DOCK2: variants seen among roughly 807,000 people sequenced by gnomAD.
DOCK2 encodes dedicator of cytokinesis 2, also known as dedicator of cytokinesis protein 2.
A neutral mutation model predicts 248.9 loss-of-function variants in DOCK2; 87 were observed. The observed-to-expected ratio is 0.35, with a 90% CI of 0.29 to 0.42. DOCK2 has a LOEUF of 0.42. Among genes scored for constraint, DOCK2 ranks in the 10% least tolerant of loss-of-function variants. The pLI is 1.00. For missense variants in DOCK2, 1,747 were observed against 2,300.2 expected (o/e 0.76, Z 4.92); for synonymous variants, 805 against 821.6 (o/e 0.98, Z 0.35).
intron 27 of DOCK2, among the ~76,000 whole-genome samples, chr5:169,851,241 T>C (rs1369651999): frequency 1.3e-5 from 2 of 152,260 alleles, no homozygotes; most frequent in African/African-American, 4.8e-5. Context: ...TTTTGTTTCA[T>C]GCCAATCTTT....
At chr5:169,807,112 C>A (rs1239092254) in intron 26 of DOCK2, among the ~76,000 whole-genome samples, 1 of 152,082 alleles carries the variant, frequency 6.6e-6, no homozygotes. Context: ...AATCTTGCAT[C>A]AAAAGCAGTA....
At chr5:169,786,833 T>A (rs192522200) in intron 25 of DOCK2, among the ~76,000 whole-genome samples, 29 of 152,310 alleles carry the variant, frequency 1.9e-4, no homozygotes, top group Non-Finnish European at 3.4e-4. Flanking sequence ...AATACAACTT[T>A]AGTATAATTT....
chr5:169,709,620 C>T (rs1761467037), intron 15 of DOCK2, among the ~76,000 whole-genome samples: 1 of 152,118 alleles, frequency 6.6e-6, no homozygotes, highest in African/African-American at 2.4e-5. Flanking sequence ...ACTCAGGAGG[C>T]TGAGGCATGA....
At chr5:169,930,746 C>G (rs1200595940) in intron 27 of DOCK2, among the ~76,000 whole-genome samples, 1 of 152,156 alleles carries the variant, frequency 6.6e-6, no homozygotes, top group Admixed American at 6.5e-5. Flanking sequence ...CTTTGAGAGT[C>G]GGGTGGAAGG....
At chr5:169,940,045 T>A (rs898573723) in intron 27 of DOCK2, among the ~76,000 whole-genome samples, 32 of 152,238 alleles carry the variant, frequency 2.1e-4, no homozygotes, top group African/African-American at 7.5e-4. Flanking sequence ...GGGAGTTTTC[T>A]CACTGTGTCA....
chr5:169,918,672 G>C (rs1263549006), intron 27 of DOCK2, among the ~76,000 whole-genome samples: 1 of 152,196 alleles, frequency 6.6e-6, no homozygotes, highest in Non-Finnish European at 1.5e-5. Context: ...CAGCACTTTG[G>C]GAGGCCGAGG....
chr5:169,855,454 A>G (rs1770834689), intron 27 of DOCK2, among the ~76,000 whole-genome samples: 1 of 152,178 alleles, frequency 6.6e-6, no homozygotes, highest in Non-Finnish European at 1.5e-5. Context: ...GTTAGGCTAT[A>G]AGCGCTAGAG....
chr5:169,722,391 G>A (rs1473633397), intron 22 of DOCK2, among the ~76,000 whole-genome samples: 2 of 152,200 alleles, frequency 1.3e-5, no homozygotes, highest in African/African-American at 2.4e-5. Flanking sequence ...AAAAGGGAGA[G>A]GAACCAGAAC....
intron 11 of DOCK2, among the ~76,000 whole-genome samples, chr5:169,698,908 CTT>C (rs908354923): frequency 2.0e-5 from 3 of 152,130 alleles, no homozygotes; most frequent in African/African-American, 4.8e-5. Flanking sequence ...GTATCCATGA[CTT>C]AGGAGGAGGG....
At chr5:169,791,386 A>G (rs1407101103) in intron 25 of DOCK2, among the ~76,000 whole-genome samples, 1 of 152,268 alleles carries the variant, frequency 6.6e-6, no homozygotes, top group Non-Finnish European at 1.5e-5. Flanking sequence ...AGACTCAACC[A>G]CTGAGTTGAC....
intron 27 of DOCK2, among the ~76,000 whole-genome samples, chr5:169,934,118 G>A (rs1279921398): frequency 6.6e-6 from 1 of 152,210 alleles, no homozygotes; most frequent in African/African-American, 2.4e-5. Context: ...CTGTGGGGTT[G>A]AGAACTGCTG....
intron 34 of DOCK2, among the ~76,000 whole-genome samples, chr5:170,033,411 A>C (rs1161341193): frequency 6.6e-6 from 1 of 152,208 alleles, no homozygotes; most frequent in East Asian, 1.9e-4. Flanking sequence ...AAATAGAAAA[A>C]TGGAGGCTTT....
chr5:169,770,012 A>G (rs927928113), intron 25 of DOCK2, among the ~76,000 whole-genome samples: 1 of 152,192 alleles, frequency 6.6e-6, no homozygotes, highest in Non-Finnish European at 1.5e-5. Flanking sequence ...TCGGTAGTAA[A>G]AGCATTATTC....
chr5:169,637,814 C>T (rs1422290057), intron 1 of DOCK2, among the ~76,000 whole-genome samples: 3 of 152,194 alleles, frequency 2.0e-5, no homozygotes, highest in African/African-American at 4.8e-5. Context: ...CTTCCCCTGT[C>T]TGTTCCTCCT....
chr5:169,742,094 G>T (rs1301111557), intron 22 of DOCK2, among the ~76,000 whole-genome samples: 1 of 152,134 alleles, frequency 6.6e-6, no homozygotes, highest in Admixed American at 6.5e-5. Context: ...GGGATTACAG[G>T]TGTGAGCCAC....
chr5:169,711,869 T>G, intron 15 of DOCK2, 66 bp from the exon 16 acceptor site: 1 of 1,563,244 alleles, frequency 6.4e-7, no homozygotes, highest in Non-Finnish European at 8.8e-7. Flanking sequence ...TGGAAGTGTG[T>G]AGGGGGGTGC....
chr5:169,637,923 C>G (rs1756926916), intron 1 of DOCK2, among the ~76,000 whole-genome samples: 1 of 152,100 alleles, frequency 6.6e-6, no homozygotes, highest in Admixed American at 6.5e-5. Context: ...CCCCCCAGAG[C>G]CTCTGGGGAA....
chr5:169,814,168 C>A (rs1328585243), intron 26 of DOCK2, among the ~76,000 whole-genome samples: 2 of 152,282 alleles, frequency 1.3e-5, no homozygotes, highest in African/African-American at 4.8e-5. Context: ...ACAGTGGAGA[C>A]AACTGATAGA....
At chr5:169,866,168 T>G (rs976104440) in intron 27 of DOCK2, among the ~76,000 whole-genome samples, 1 of 152,158 alleles carries the variant, frequency 6.6e-6, no homozygotes, top group African/African-American at 2.4e-5. Context: ...GGTATCTGAT[T>G]GTTTTGTTTC....
Sources: allele counts gnomAD v4.1 joint callset (sites outside exome capture counted in the v4.1 genomes callset), GRCh38; gene constraint gnomAD v4.1.1; transcripts MANE v1.5; gene names NCBI Gene and HGNC (gene_info 2026-07-23, HGNC 2026-07-21).